LRRTM4: variants seen among roughly 807,000 people sequenced by gnomAD.
The protein encoded by LRRTM4 is leucine-rich repeat transmembrane neuronal protein 4.
In LRRTM4, 25 loss-of-function variants were observed where a neutral mutation model predicts 47.6. That is an observed-to-expected ratio of 0.53 (90% CI 0.38 to 0.73). LRRTM4 has a LOEUF of 0.73. Ranked by LOEUF, LRRTM4 falls within the 30% of genes least tolerant of loss-of-function variation. The pLI is 0.00. For missense variants in LRRTM4, 638 were observed against 713.4 expected (o/e 0.89, Z 1.20); for synonymous variants, 311 against 269.5 (o/e 1.15, Z -1.51).
intron 3 of LRRTM4, among the ~76,000 whole-genome samples, chr2:76,966,432 A>G (rs1676026419): frequency 6.6e-6 from 1 of 151,430 alleles, no homozygotes; most frequent in Non-Finnish European, 1.5e-5. Context: ...CTGACCTCAT[A>G]TTTACAGTTT....
At chr2:77,042,284 TAGAA>T (rs777411956) in intron 3 of LRRTM4, among the ~76,000 whole-genome samples, 89 of 151,388 alleles carry the variant, frequency 5.9e-4, no homozygotes, top group South Asian at 1.0e-3. Flanking sequence ...TAAGAAAAAA[TAGAA>T]AGAAAGAAAT....
At chr2:77,328,726 G>A (rs1253975901) in intron 3 of LRRTM4, among the ~76,000 whole-genome samples, 1 of 152,146 alleles carries the variant, frequency 6.6e-6, no homozygotes, top group African/African-American at 2.4e-5. Flanking sequence ...AGTTACACAG[G>A]ACTCTTCACA....
intron 3 of LRRTM4, among the ~76,000 whole-genome samples, chr2:77,230,029 CTG>C (rs1465073861): frequency 6.6e-6 from 1 of 152,096 alleles, no homozygotes; most frequent in Non-Finnish European, 1.5e-5. Context: ...GAGAGCAAGT[CTG>C]TGTTATTCTT....
chr2:77,355,108 A>G (rs1671921673), intron 3 of LRRTM4, among the ~76,000 whole-genome samples: 1 of 152,218 alleles, frequency 6.6e-6, no homozygotes, highest in Non-Finnish European at 1.5e-5. Flanking sequence ...TCCAGTTTCT[A>G]ATAACTTGCC....
intron 3 of LRRTM4, among the ~76,000 whole-genome samples, chr2:76,937,005 A>T (rs1212261864): frequency 6.8e-6 from 1 of 147,894 alleles, no homozygotes; most frequent in Non-Finnish European, 1.5e-5. Flanking sequence ...AGTATATGTG[A>T]AAACATATCA....
intron 3 of LRRTM4, among the ~76,000 whole-genome samples, chr2:76,876,126 G>T (rs1047841928): frequency 6.6e-6 from 1 of 152,014 alleles, no homozygotes; most frequent in African/African-American, 2.4e-5. Context: ...ACACAGTAAA[G>T]AACATAGTAT....
At chr2:76,821,087 A>C (rs181529659) in intron 3 of LRRTM4, among the ~76,000 whole-genome samples, 2 of 151,760 alleles carry the variant, frequency 1.3e-5, no homozygotes, top group Non-Finnish European at 2.9e-5. Context: ...GAAGACACTG[A>C]TGAACACAAA....
At chr2:77,259,365 T>A (rs1466775873) in intron 3 of LRRTM4, among the ~76,000 whole-genome samples, 1 of 152,058 alleles carries the variant, frequency 6.6e-6, no homozygotes, top group Non-Finnish European at 1.5e-5. Flanking sequence ...ATATGCTGAG[T>A]GCTTGACAGA....
At chr2:76,873,730 A>G (rs1383920832) in intron 3 of LRRTM4, among the ~76,000 whole-genome samples, 4 of 151,482 alleles carry the variant, frequency 2.6e-5, no homozygotes. Flanking sequence ...ATTGTTAAGC[A>G]TCAACTTCTA....
chr2:77,081,022 G>A (rs1394896391), intron 3 of LRRTM4, among the ~76,000 whole-genome samples: 1 of 151,984 alleles, frequency 6.6e-6, no homozygotes, highest in Non-Finnish European at 1.5e-5. Context: ...TTATTTTCTT[G>A]CTTTAATTGC....
chr2:76,921,789 C>G (rs1185219379), intron 3 of LRRTM4, among the ~76,000 whole-genome samples: 1 of 151,920 alleles, frequency 6.6e-6, no homozygotes, highest in Non-Finnish European at 1.5e-5. Context: ...ATAAGATGTT[C>G]TAGGGTCATT....
At chr2:77,053,818 C>A (rs972779392) in intron 3 of LRRTM4, among the ~76,000 whole-genome samples, 3 of 151,696 alleles carry the variant, frequency 2.0e-5, no homozygotes, top group Non-Finnish European at 4.4e-5. Flanking sequence ...AAATATCTTC[C>A]CATTTAATAT....
At chr2:77,050,964 A>T (rs1368545973) in intron 3 of LRRTM4, among the ~76,000 whole-genome samples, 1 of 152,138 alleles carries the variant, frequency 6.6e-6, no homozygotes, top group African/African-American at 2.4e-5. Context: ...AGATGATTTT[A>T]AAAAAGGGTA....
Position 77,238,082 on chromosome 2 carries a change from C to A in LRRTM4, c.1551+280236G>T, listed in dbSNP as rs116303666. Among the ~76,000 whole-genome samples the A allele has an allele frequency of 2.6e-4, 39 of 151,958 alleles. 1 individual carries two copies. In the East Asian group the frequency reaches 6.6e-3, roughly 26 times the overall value. ...TCTGAACATCTAATAAACATGATAA[C>A]CATAGTTAATTAAATGGCATTATAT... On this transcript the variant is annotated intron_variant, in intron 3 of 3. Transcript: ENST00000409884.
rs80031976 is a variant in LRRTM4, at chr2:77,388,214, C to T, written c.1551+130104G>A. Among the ~76,000 whole-genome samples the T allele has an allele frequency of 5.3e-5, 8 of 150,964 alleles. No homozygotes were observed. The East Asian group carries it at 7.8e-4, about 15-fold the overall frequency. ...AAAGCGAACAGTTATTTAGGTTCTA[C>T]GTGTGGAGAAGTGAACAAAATGAAT... On this transcript the variant is annotated intron_variant, in intron 3 of 3. Transcript: ENST00000409884.
At chr2:77,517,201 C>T in intron 3 of LRRTM4, 1 of 985,076 alleles carries the variant, frequency 1.0e-6, no homozygotes, top group African/African-American at 1.7e-5. Context: ...TGCTCACTAA[C>T]ATGATCCTGT....
chr2:77,475,876 C>T (rs923651608), intron 3 of LRRTM4, among the ~76,000 whole-genome samples: 2 of 151,802 alleles, frequency 1.3e-5, no homozygotes, highest in East Asian at 3.9e-4. Flanking sequence ...CCTCAGATTG[C>T]CTGTTTACAT....
intron 3 of LRRTM4, among the ~76,000 whole-genome samples, chr2:77,326,804 C>T (rs290039): frequency 0.38 from 57,688 of 152,024 alleles, 13,187 homozygotes; most frequent in African/African-American, 0.62. Context: ...GGAAAGACAA[C>T]GTGTTATATC....
At chr2:77,441,282 C>T (rs1675832497) in intron 3 of LRRTM4, among the ~76,000 whole-genome samples, 1 of 152,066 alleles carries the variant, frequency 6.6e-6, no homozygotes, top group Non-Finnish European at 1.5e-5. Context: ...TATGCAGACC[C>T]GGTGCCTAGA....
Sources: gnomAD v4.1 joint callset for allele counts (sites outside exome capture counted in the v4.1 genomes callset) on GRCh38, gnomAD v4.1.1 for gene constraint, MANE v1.5 for transcripts, NCBI Gene and HGNC (gene_info 2026-07-23, HGNC 2026-07-21) for gene names.